TOMM70: variants seen among roughly 807,000 people sequenced by gnomAD.
TOMM70 encodes the protein translocase of outer mitochondrial membrane 70, also known as mitochondrial import receptor subunit TOM70.
In TOMM70, 13 loss-of-function variants were observed where a neutral mutation model predicts 73.6. The ratio of observed to expected loss-of-function variants is 0.18; its 90% CI spans 0.11 to 0.28. The LOEUF is 0.28. TOMM70 is among the 10% of genes least tolerant of loss of function. TOMM70 has a pLI of 1.00. For synonymous variants in TOMM70, 257 were observed against 271.2 expected (o/e 0.95, Z 0.51); for missense variants, 609 against 747.5 (o/e 0.81, Z 2.16).
chr3:100,400,656 G>C lies in TOMM70; in HGVS notation c.294C>G (p.His98Gln). 6.2e-7 allele frequency: 1 copy of C among 1,612,382 alleles called. No individual in the cohort carries two copies. Among genetic ancestry groups the C allele is most frequent in the Admixed American group, 1.7e-5 (1 of 59,996 alleles). The change falls in exon 1 of 12, where the codon CAC becomes CAG. Residue 98 changes from histidine to glutamine, a missense_variant. Transcript: ENST00000284320. Reference protein sequence around the residue: ...GRASPAPGSGHPEGPGAHLDM... With the variant: ...GRASPAPGSGQPEGPGAHLDM... ...CCAAGTGAGCACCGGGACCTTCAGG[G>C]TGTCCGCTGCCCGGGGCCGGACTGG...
intron 9 of TOMM70, among the ~76,000 whole-genome samples, chr3:100,371,762 G>A (rs1271221085): frequency 1.3e-5 from 2 of 152,206 alleles, no homozygotes; most frequent in Admixed American, 1.3e-4. Context: ...GGTAGGAGGA[G>A]GAGGGATGGT....
chr3:100,375,169 A>AG lies in TOMM70; in HGVS notation c.1093-18dup. 6.5e-7 allele frequency: 1 copy of AG among 1,545,850 alleles called. No individual in the cohort carries two copies. The highest frequency in any genetic ancestry group is 1.7e-4 in the Middle Eastern group (1 of 5,810). ...TGCTCGAAGCTATATACCCCAAGTG[A>AG]GGAAAGGTTCATCATTACTTTTTTT... On this transcript the variant is annotated splice_polypyrimidine_tract_variant and intron_variant, in intron 6 of 11. Transcript: ENST00000284320.
At chr3:100,381,547 A>G (rs1706633839) in intron 5 of TOMM70, 68 bp downstream of exon 5, 1 of 1,486,392 alleles carries the variant, frequency 6.7e-7, no homozygotes, top group Admixed American at 1.9e-5. Flanking sequence ...CAGAACCCAT[A>G]TGGGCCCTAA....
At chr3:100,372,283 G>A (rs1444238696) in intron 9 of TOMM70, 18 of 209,926 alleles carry the variant, frequency 8.6e-5, no homozygotes, top group Non-Finnish European at 1.2e-4. Flanking sequence ...AAGCCTTTCC[G>A]TGGATATTTT....
intron 5 of TOMM70, among the ~76,000 whole-genome samples, chr3:100,378,802 C>A (rs964892348): frequency 6.6e-6 from 1 of 152,022 alleles, no homozygotes. Flanking sequence ...GTCAGGAGAT[C>A]GAGACCATCC....
Position 100,400,860 on chromosome 3 carries a change from GC to G in TOMM70, c.89del (p.Gly30AlafsTer48). 1 of 1,526,364 alleles carries G rather than the reference GC, an allele frequency of 6.6e-7. No homozygotes were observed. Among genetic ancestry groups the G allele is most frequent in the Non-Finnish European group, 8.7e-7 (1 of 1,143,736 alleles). The allele number at this position is 1,526,364 out of a possible 1,614,324, so 94.6% of individuals were successfully genotyped here. ...GSGVGGGGTA[G>X]PGTGGLPRWQ... Reference sequence around the variant, plus strand: ...ATCGCGGCAGCCCCCCCGTGCCCGGGCCCGCAGTCCCGCCGCCGCCCACCCC... The same window carrying G: ...ATCGCGGCAGCCCCCCCGTGCCCGGGCCGCAGTCCCGCCGCCGCCCACCCC... On this transcript the variant is annotated frameshift_variant, in exon 1 of 12. Coordinates refer to ENST00000284320, the MANE Select transcript of TOMM70 (RefSeq NM_014820.5). LOFTEE classifies it high-confidence loss of function.
intron 10 of TOMM70, among the ~76,000 whole-genome samples, chr3:100,368,765 C>T (rs534726529): frequency 1.1e-4 from 17 of 152,086 alleles, no homozygotes; most frequent in East Asian, 7.8e-4. Context: ...TAGTAGACAC[C>T]GGGTTTCACC....
At position 100,401,077 on chromosome 3, in the gene TOMM70, G is replaced by A. The variant is rs1706897445; in HGVS notation, c.-128C>T. ...GCGAGCACGCTAGGCAGAGAGAGCGGACGACAGAAAAGGGCCAGAGGTCAC... is the reference window on the plus strand; with the variant it reads ...GCGAGCACGCTAGGCAGAGAGAGCGAACGACAGAAAAGGGCCAGAGGTCAC... On this transcript the variant is annotated 5_prime_UTR_variant, in exon 1 of 12. Coordinates refer to ENST00000284320, the MANE Select transcript of TOMM70 (RefSeq NM_014820.5). 5 of 1,086,716 alleles carry A rather than the reference G, an allele frequency of 4.6e-6. No homozygotes were observed. In the Admixed American group the frequency reaches 9.3e-5, roughly 20 times the overall value. 67.3% of individuals were successfully genotyped at this position (1,086,716 alleles called of 1,614,324 possible). A position where few individuals can be genotyped will look rare whatever the true frequency, so the allele number is the denominator to read the frequency against.
At chr3:100,397,205 A>C (rs1053281989) in intron 1 of TOMM70, among the ~76,000 whole-genome samples, 6 of 152,246 alleles carry the variant, frequency 3.9e-5, no homozygotes, top group Non-Finnish European at 5.9e-5. Flanking sequence ...GGTGCTATTC[A>C]AATGTACAGC....
intron 5 of TOMM70, among the ~76,000 whole-genome samples, 197 bp from the exon 6 acceptor site, chr3:100,378,109 A>T (rs1280200613): frequency 1.3e-5 from 2 of 151,854 alleles, no homozygotes; most frequent in Non-Finnish European, 2.9e-5. Flanking sequence ...CCGGGCGTGG[A>T]GGCGCATGCC....
chr3:100,365,355 T>G lies in TOMM70; in HGVS notation c.*209A>C, dbSNP rs1228792110. ...CCTTTAACATGTTCTAATCTTTTGTTGCACAGGGAATAAAAGCTGCAAGAC... is the reference window on the plus strand; with the variant it reads ...CCTTTAACATGTTCTAATCTTTTGTGGCACAGGGAATAAAAGCTGCAAGAC... On this transcript the variant is annotated 3_prime_UTR_variant, in exon 12 of 12. Coordinates refer to ENST00000284320, the MANE Select transcript of TOMM70 (RefSeq NM_014820.5). 7 of 559,020 alleles carry G rather than the reference T, an allele frequency of 1.3e-5. No homozygotes were observed. The highest frequency in any genetic ancestry group is 5.6e-5 in the African/African-American group (3 of 53,576). 34.6% of individuals were successfully genotyped at this position (559,020 alleles called of 1,614,324 possible). A position where few individuals can be genotyped will look rare whatever the true frequency, so the allele number is the denominator to read the frequency against.
Position 100,369,016 on chromosome 3 carries a change from GAACA to G in TOMM70, c.1550+18_1550+21del, listed in dbSNP as rs1368867469. On this transcript the variant is annotated intron_variant, in intron 10 of 11. Coordinates refer to ENST00000284320, the MANE Select transcript of TOMM70 (RefSeq NM_014820.5). ...ATGCAAGAAATTTATTATCTCATTG[GAACA>G]ATCACAAAAATACATACCCTTTATG... The G allele has an allele frequency of 5.2e-6, 8 of 1,530,484 alleles. No homozygotes were observed. Among genetic ancestry groups the G allele is most frequent in the Non-Finnish European group, 7.2e-6 (8 of 1,112,600 alleles). 94.8% of individuals were successfully genotyped at this position (1,530,484 alleles called of 1,614,324 possible).
At chr3:100,367,161 C>T (rs1268063211) in intron 11 of TOMM70, among the ~76,000 whole-genome samples, 2 of 152,088 alleles carry the variant, frequency 1.3e-5, no homozygotes, top group Non-Finnish European at 2.9e-5. Flanking sequence ...GCAGAGGTTG[C>T]AGAGTCAAGA....
At chr3:100,395,764 AC>A (rs1485758857) in intron 1 of TOMM70, among the ~76,000 whole-genome samples, 3 of 152,178 alleles carry the variant, frequency 2.0e-5, no homozygotes, top group Admixed American at 1.3e-4. Flanking sequence ...CTTGCTATGC[AC>A]CTGTATTAGG....
rs951229710 is a variant in TOMM70, at chr3:100,386,890, G to A, written c.413C>T (p.Thr138Ile). Residue 138 changes from threonine (T) to isoleucine (I), a missense_variant, in exon 2 of 12, where the codon ACT becomes ATT. By Grantham distance (89) the Thr-to-Ile change is moderately conservative. Coordinates refer to ENST00000284320, the MANE Select transcript of TOMM70 (RefSeq NM_014820.5). The part of the protein sequence containing the change: ...GKYEQAIQCY[T>I]EAISLCPTEK... ...TGTAGGGCACAAGCTAATAGCCTCAGTATAGCACTGAATAGCTTGTTCATA... is the reference window on the plus strand; with the variant it reads ...TGTAGGGCACAAGCTAATAGCCTCAATATAGCACTGAATAGCTTGTTCATA... 1 of 1,613,952 alleles carries A rather than the reference G, an allele frequency of 6.2e-7. No individual in the cohort carries two copies. Among genetic ancestry groups the A allele is most frequent in the African/African-American group, 1.3e-5 (1 of 74,930 alleles).
Position 100,364,935 on chromosome 3 carries a change from T to TTA in TOMM70, c.*627_*628dup, listed in dbSNP as rs1706431470. On this transcript the variant is annotated 3_prime_UTR_variant, in exon 12 of 12. Coordinates refer to ENST00000284320, the MANE Select transcript of TOMM70 (RefSeq NM_014820.5). ...GCAAGAAAATCTGCTGTTGTGGACT[T>TTA]TAAGAAGAATGTACACTATCCATTA... 1 of 152,166 alleles carries TTA rather than the reference T, an allele frequency of 6.6e-6. No individual in the cohort carries two copies. 9.4% of individuals were successfully genotyped at this position (152,166 alleles called of 1,614,324 possible).
intron 1 of TOMM70, among the ~76,000 whole-genome samples, chr3:100,391,886 C>T (rs1706767379): frequency 6.6e-6 from 1 of 152,178 alleles, no homozygotes; most frequent in Non-Finnish European, 1.5e-5. Context: ...TGTCCTAGGC[C>T]TTTACTTTCA....
intron 1 of TOMM70, among the ~76,000 whole-genome samples, chr3:100,389,521 G>C (rs1706734697): frequency 6.6e-6 from 1 of 152,116 alleles, no homozygotes; most frequent in South Asian, 2.1e-4. Context: ...TGCCTATAAG[G>C]CATGATGTAA....
In TOMM70 at chr3:100,400,894, G is replaced by C; in HGVS notation, c.56C>G (p.Ser19Cys). The C allele has an allele frequency of 6.5e-7, 1 of 1,530,944 alleles. No homozygotes were observed. Among genetic ancestry groups the C allele is most frequent in the Non-Finnish European group, 8.7e-7 (1 of 1,145,660 alleles). 94.8% of individuals were successfully genotyped at this position (1,530,944 alleles called of 1,614,324 possible). The change falls in exon 1 of 12, where the codon TCC (serine) becomes TGC (cysteine). Residue 19 changes from serine to cysteine, a missense_variant. By Grantham distance (112) the Ser-to-Cys change is moderately radical. Around this residue, in one of 2 missense-constraint regions of TOMM70, gnomAD observed 177 missense variants for 163.5 expected, o/e 1.08. Coordinates refer to ENST00000284320, the MANE Select transcript of TOMM70 (RefSeq NM_014820.5). ...CCCGCCGCCGCCCACCCCACTCCCGGAGCTCGGTACAGCGGCTGCGACCAC... is the reference window on the plus strand; with the variant it reads ...CCCGCCGCCGCCCACCCCACTCCCGCAGCTCGGTACAGCGGCTGCGACCAC... ...AAVVAAAVPS[S>C]GSGVGGGGTA... is the part of the protein sequence containing the mutation.
Sources: allele counts gnomAD v4.1 joint callset (sites outside exome capture counted in the v4.1 genomes callset), GRCh38; gene constraint gnomAD v4.1.1; regional missense constraint gnomAD v4.1.1; transcripts MANE v1.5; gene names NCBI Gene and HGNC (gene_info 2026-07-23, HGNC 2026-07-21).